The following MEGF6 variants were observed in gnomAD, a reference collection of about 807,000 sequenced individuals.
MEGF6 encodes multiple EGF like domains 6.
MEGF6 carries 184 observed loss-of-function variants against 207.1 expected under a neutral mutation model. The ratio of observed to expected loss-of-function variants is 0.89; its 90% CI spans 0.79 to 1.00. MEGF6 has a LOEUF of 1.00. Ranked by LOEUF, MEGF6 falls within the 50% of genes least tolerant of loss-of-function variation. The probability of loss-of-function intolerance (pLI) is 0.00; values close to 1 mark genes in which losing one functional copy is unlikely to be tolerated. For missense variants in MEGF6, 2,282 were observed against 2,202.9 expected, an observed-to-expected ratio of 1.04 and a Z score of -0.72; for synonymous variants, 1,038 against 910.0, an observed-to-expected ratio of 1.14 and a Z score of -2.53.
the MEGF6 span, among the ~76,000 whole-genome samples, chr1:3,618,495 G>A: frequency 6.6e-6 from 1 of 152,146 alleles, no homozygotes; most frequent in Non-Finnish European, 1.5e-5. The surrounding 1 kb of genome is among the most constrained non-coding windows in gnomAD (Gnocchi z 4.7). Flanking sequence ...CAGAGGTGGA[G>A]GAAATTACCA....
At chr1:3,514,226 C>A (rs1231603813) in intron 7 of MEGF6, among the ~76,000 whole-genome samples, 38 of 143,072 alleles carry the variant, frequency 2.7e-4, no homozygotes, top group African/African-American at 8.6e-4. Context: ...CCAGCCTGGG[C>A]AATAGAGCGA....
chr1:3,567,898 C>T (rs1287041744), intron 4 of MEGF6, among the ~76,000 whole-genome samples: 1 of 152,154 alleles, frequency 6.6e-6, no homozygotes, highest in Non-Finnish European at 1.5e-5. Flanking sequence ...CTGAGACCTG[C>T]CAGGAGCCCA....
intron 3 of MEGF6, among the ~76,000 whole-genome samples, chr1:3,592,160 C>T (rs1643989527): frequency 1.3e-5 from 2 of 152,180 alleles, no homozygotes; most frequent in African/African-American, 2.4e-5. Flanking sequence ...GGAGAGCAGC[C>T]GGTCTAGAGA....
At chr1:3,554,715 C>T (rs994816598) in intron 4 of MEGF6, among the ~76,000 whole-genome samples, 1 of 152,228 alleles carries the variant, frequency 6.6e-6, no homozygotes, top group African/African-American at 2.4e-5. Context: ...CTCTCCTGTG[C>T]CAGCCTCTCT....
chr1:3,542,354 T>G (rs1022629903), intron 4 of MEGF6, among the ~76,000 whole-genome samples: 1 of 152,158 alleles, frequency 6.6e-6, no homozygotes, highest in Non-Finnish European at 1.5e-5. Context: ...GTTGGACCCA[T>G]TTTATAGGTG....
At chr1:3,493,609 C>A in intron 34 of MEGF6, 162 bp downstream of exon 34, 1 of 967,858 alleles carries the variant, frequency 1.0e-6, no homozygotes, top group Non-Finnish European at 1.5e-6. Context: ...CATGTCCCAG[C>A]AGCTGACTCC....
intron 5 of MEGF6, among the ~76,000 whole-genome samples, 156 bp from the exon 6 acceptor site, chr1:3,515,683 G>T (rs1055300451): frequency 2.6e-5 from 4 of 152,214 alleles, no homozygotes; most frequent in Non-Finnish European, 5.9e-5. Flanking sequence ...CATCTCCATC[G>T]TCACACGCTG....
At chr1:3,492,369 G>A (rs1640408822) in intron 35 of MEGF6, among the ~76,000 whole-genome samples, 1 of 152,144 alleles carries the variant, frequency 6.6e-6, no homozygotes, top group South Asian at 2.1e-4. Context: ...TGCAGCTGTT[G>A]GGGCTGGGAA....
chr1:3,510,751 C>A (rs765384657), intron 10 of MEGF6, 32 bp downstream of exon 10: 2 of 1,579,584 alleles, frequency 1.3e-6, no homozygotes, highest in Admixed American at 3.4e-5. Context: ...TCCCAGGCCA[C>A]CCCAGCTGTG....
At chr1:3,520,272 T>A (rs1473643905) in intron 5 of MEGF6, among the ~76,000 whole-genome samples, 1 of 152,226 alleles carries the variant, frequency 6.6e-6, no homozygotes, top group East Asian at 1.9e-4. Flanking sequence ...GCGGGCATCA[T>A]GCTGGCTCAG....
chr1:3,617,026 G>T, the MEGF6 span, among the ~76,000 whole-genome samples: 1 of 152,070 alleles, frequency 6.6e-6, no homozygotes, highest in African/African-American at 2.4e-5. Context: ...ACACAGGCCT[G>T]GGCTGCGGCG....
intron 4 of MEGF6, among the ~76,000 whole-genome samples, chr1:3,567,857 A>C (rs951631639): frequency 2.6e-5 from 4 of 152,070 alleles, no homozygotes; most frequent in African/African-American, 9.7e-5. Context: ...TCGGCATAGG[A>C]AACCCCTCCC....
chr1:3,496,162 C>T (rs72633383), intron 29 of MEGF6, 144 bp from the exon 30 acceptor site: 51,336 of 1,237,100 alleles, frequency 0.041, 3,271 homozygotes, highest in African/African-American at 0.28. Flanking sequence ...AACTCTCATG[C>T]ACCCACCCTG....
intron 17 of MEGF6, among the ~76,000 whole-genome samples, chr1:3,503,707 ATGTGTGTG>A (rs58666986): frequency 7.1e-6 from 1 of 140,994 alleles, no homozygotes; most frequent in Non-Finnish European, 1.5e-5. Flanking sequence ...GTATGTGTGT[ATGTGTGTG>A]TAAGTGGTGT....
chr1:3,565,338 AC>A lies in MEGF6; in HGVS notation c.481+14486del, dbSNP rs1302822994. Among the ~76,000 whole-genome samples the A allele has an allele frequency of 6.7e-6, 1 of 150,324 alleles. No homozygotes were observed. The highest frequency in any genetic ancestry group is 1.5e-5 in the Non-Finnish European group (1 of 67,982). On this transcript the variant is annotated intron_variant, in intron 4 of 36. Transcript: ENST00000356575. This position sits in a 1 kb window ranked among gnomAD's most constrained non-coding sequence, Gnocchi z 4.8. ...CAGACCCCACTCTGCCCCAGAGTTC[AC>A]CAAGTTCCCTTCCTAGCTGGACCTT...
chr1:3,585,786 T>C (rs1643885145), intron 3 of MEGF6, among the ~76,000 whole-genome samples: 1 of 143,070 alleles, frequency 7.0e-6, no homozygotes, highest in African/African-American at 2.7e-5. Context: ...GTCCTGTGTG[T>C]GGGTGTGAGT....
At chr1:3,545,647 T>C (rs917240252) in intron 4 of MEGF6, among the ~76,000 whole-genome samples, 1 of 152,150 alleles carries the variant, frequency 6.6e-6, no homozygotes, top group African/African-American at 2.4e-5. Context: ...CTCTGGGGCT[T>C]TCCGCCACCC....
chr1:3,498,752 C>G lies in MEGF6; in HGVS notation c.3169G>C (p.Val1057Leu). Residue 1057 changes from valine to leucine, a missense_variant, in exon 25 of 37, where the codon GTC becomes CTC. Transcript: ENST00000356575. ...LCQNGGTCDP[V>L]SGHCACPEGW... The stretch of plus-strand genomic sequence containing the variant: ...TCTGGGCACGCACAGTGGCCTGAGA[C>G]AGGGTCACAGGTCCCTCCGTTCTGG... 1 of 1,561,514 alleles carries G rather than the reference C, an allele frequency of 6.4e-7. No homozygotes were observed. The highest frequency in any genetic ancestry group is 8.7e-7 in the Non-Finnish European group (1 of 1,154,194).
chr1:3,596,093 A>C (rs905223476), intron 2 of MEGF6, among the ~76,000 whole-genome samples: 2 of 152,076 alleles, frequency 1.3e-5, no homozygotes, highest in African/African-American at 2.4e-5. Flanking sequence ...GAGCAGCAGG[A>C]GGACCTGTGT....
Sources: gnomAD v4.1 joint callset for allele counts (sites outside exome capture counted in the v4.1 genomes callset) on GRCh38, gnomAD v4.1.1 for gene constraint, Gnocchi (gnomAD v3.1) non-coding constraint, MANE v1.5 for transcripts, NCBI Gene and HGNC (gene_info 2026-07-23, HGNC 2026-07-21) for gene names.